The following FRMPD4 variants were observed in gnomAD, a reference collection of about 807,000 sequenced individuals.
FRMPD4 encodes the protein FERM and PDZ domain containing 4, also known as FERM and PDZ domain-containing protein 4.
FRMPD4 carries 22 observed loss-of-function variants against 94.1 expected under a neutral mutation model. The observed-to-expected ratio is 0.23, with a 90% CI of 0.17 to 0.33. The LOEUF is 0.33. FRMPD4 is among the 10% of genes least tolerant of loss of function. The probability of loss-of-function intolerance (pLI) is 1.00; values close to 1 mark genes in which losing one functional copy is unlikely to be tolerated. For synonymous variants in FRMPD4, 631 were observed against 548.6 expected (o/e 1.15, Z -2.10); for missense variants, 1,111 against 1,339.9 (o/e 0.83, Z 2.67).
intron 1 of FRMPD4, among the ~76,000 whole-genome samples, chrX:11,859,877 C>T (rs888545678): frequency 3.3e-4 from 37 of 112,142 alleles, no homozygotes; most frequent in Admixed American, 1.9e-3. Flanking sequence ...AAATAAAATG[C>T]TCATTGCTAT....
intron 2 of FRMPD4, among the ~76,000 whole-genome samples, chrX:12,511,691 T>C (rs1014942948): frequency 1.3e-4 from 14 of 109,660 alleles, no homozygotes; most frequent in African/African-American, 4.3e-4. Flanking sequence ...ATGATGGGAG[T>C]CCCAGAAGGA....
At chrX:11,963,395 T>C (rs1251053112) in intron 3 of FRMPD4, among the ~76,000 whole-genome samples, 1 of 112,513 alleles carries the variant, frequency 8.9e-6, no homozygotes, top group Non-Finnish European at 1.9e-5. Context: ...TATAAATTAG[T>C]AGATTTCAGT....
At chrX:12,323,646 A>G (rs933457812) in intron 1 of FRMPD4, among the ~76,000 whole-genome samples, 83 of 111,436 alleles carry the variant, frequency 7.4e-4, no homozygotes, top group African/African-American at 2.4e-3. Flanking sequence ...AGTTACCTCT[A>G]TAGAGGAGCC....
rs766156884 is a variant in FRMPD4 at position 12,484,189 on chromosome X, A to C, written c.42-14491A>C. On this transcript the variant is annotated intron_variant, in intron 1 of 16. Transcript: ENST00000675598. ...AAAAGATACACATATAAAGGAGGAAATTTTTAAAGAAAGAAAAAAATTAAT... is the reference window on the plus strand; with the variant it reads ...AAAAGATACACATATAAAGGAGGAACTTTTTAAAGAAAGAAAAAAATTAAT... Among the ~76,000 whole-genome samples, 5 of 112,389 alleles carry C rather than the reference A, an allele frequency of 4.4e-5. 1 individual carries two copies. Among genetic ancestry groups the C allele is most frequent in the African/African-American group, 1.6e-4 (5 of 30,978 alleles).
intron 1 of FRMPD4, among the ~76,000 whole-genome samples, chrX:12,316,442 C>A (rs5979586): frequency 9.0e-6 from 1 of 111,570 alleles, no homozygotes; most frequent in African/African-American, 3.3e-5. Context: ...CGTGAGCTGC[C>A]GTGCCCAGCC....
chrX:12,442,664 T>TCTGA (rs916869842), intron 1 of FRMPD4, among the ~76,000 whole-genome samples: 5 of 111,618 alleles, frequency 4.5e-5, no homozygotes, highest in Non-Finnish European at 7.5e-5. Context: ...TGGAGAACAG[T>TCTGA]CTGACTGGCT....
chrX:12,631,616 C>T (rs371130110), intron 4 of FRMPD4, among the ~76,000 whole-genome samples: 1 of 110,221 alleles, frequency 9.1e-6, no homozygotes, highest in Non-Finnish European at 1.9e-5. Context: ...CATTGTTCAA[C>T]TCCCACTTAT....
Position 11,931,893 on chromosome X carries a change from G to A in FRMPD4, c.95+53875G>A, listed in dbSNP as rs181751322. On this transcript the variant is annotated intron_variant, in intron 3 of 18. Transcript: ENST00000640291. ...ATGAATGTATATATGCAAAAGAGTT[G>A]GCCGTGTTTCAGCATTTCTAAGGGA... 5.4e-5 allele frequency among the ~76,000 whole-genome samples: 6 copies of A among 112,070 alleles called. No individual in the cohort carries two copies. In the East Asian group the frequency reaches 1.7e-3, roughly 31 times the overall value.
rs145940302 is a variant in FRMPD4, at chrX:12,309,619, C to T, written c.41+170607C>T. Among the ~76,000 whole-genome samples the T allele has an allele frequency of 6.5e-4, 73 of 112,229 alleles. No individual in the cohort carries two copies. In the East Asian group the frequency reaches 0.016, roughly 24 times the overall value. On this transcript the variant is annotated intron_variant, in intron 1 of 16. Transcript: ENST00000675598. ...TGGCACAGGCCATCTTCTTGACTAACCATTGTATACCTAACTCCTAGTCAT... is the reference window on the plus strand; with the variant it reads ...TGGCACAGGCCATCTTCTTGACTAATCATTGTATACCTAACTCCTAGTCAT...
intron 1 of FRMPD4, among the ~76,000 whole-genome samples, chrX:12,141,650 G>A (rs2055692953): frequency 9.1e-6 from 1 of 109,694 alleles, no homozygotes; most frequent in Non-Finnish European, 1.9e-5. Context: ...TCATCAGTTA[G>A]AGTTATGACC....
At chrX:12,474,413 G>A (rs138869770) in intron 1 of FRMPD4, among the ~76,000 whole-genome samples, 2,954 of 111,058 alleles carry the variant, frequency 0.027, 46 homozygotes, top group Non-Finnish European at 0.043. Context: ...AGAGAAGCAA[G>A]AGCAAACACA....
At chrX:12,623,988 G>A (rs112802146) in intron 4 of FRMPD4, among the ~76,000 whole-genome samples, 28 of 111,955 alleles carry the variant, frequency 2.5e-4, no homozygotes, top group African/African-American at 8.8e-4. Flanking sequence ...AGACCAGCCT[G>A]GGCAACACAG....
chrX:12,616,257 G>T (rs989113059), intron 4 of FRMPD4, among the ~76,000 whole-genome samples: 1 of 111,688 alleles, frequency 9.0e-6, no homozygotes, highest in Non-Finnish European at 1.9e-5. Flanking sequence ...GAAGAGAATT[G>T]CCTTGCTCCT....
chrX:12,472,605 G>C (rs1230071167), intron 1 of FRMPD4, among the ~76,000 whole-genome samples: 2 of 111,678 alleles, frequency 1.8e-5, no homozygotes, highest in African/African-American at 3.3e-5. Flanking sequence ...AACCAATGTA[G>C]AGAAGTCCTT....
intron 1 of FRMPD4, among the ~76,000 whole-genome samples, chrX:12,459,832 C>T (rs1245133901): frequency 1.8e-5 from 2 of 111,627 alleles, no homozygotes; most frequent in Non-Finnish European, 3.8e-5. Flanking sequence ...ACTGCTGGAT[C>T]GTATGATAAA....
At chrX:12,584,241 CAT>C (rs756970847) in intron 2 of FRMPD4, among the ~76,000 whole-genome samples, 13 of 112,190 alleles carry the variant, frequency 1.2e-4, no homozygotes, top group Non-Finnish European at 2.1e-4. Flanking sequence ...GTTTTTTAAA[CAT>C]AGTGTTTGGA....
chrX:12,634,273 T>C, intron 4 of FRMPD4, among the ~76,000 whole-genome samples: 1 of 112,564 alleles, frequency 8.9e-6, no homozygotes, highest in East Asian at 2.8e-4. Context: ...AACAAAATAG[T>C]CTATATGTCT....
Position 11,954,865 on chromosome X carries a change from G to A in FRMPD4, c.95+76847G>A, listed in dbSNP as rs755571627. 4.2e-4 allele frequency among the ~76,000 whole-genome samples: 46 copies of A among 110,155 alleles called. No individual in the cohort carries two copies. In the South Asian group the frequency reaches 7.6e-3, roughly 18 times the overall value. On this transcript the variant is annotated intron_variant, in intron 3 of 18. Coordinates refer to the FRMPD4 transcript ENST00000640291. ...CCTTGGGGGCTTTTTAGCAGAATAG[G>A]AAAGTCTTATTATCAGGGATGAGTC... is the stretch of plus-strand genomic sequence containing the variant.
intron 3 of FRMPD4, among the ~76,000 whole-genome samples, chrX:11,924,433 A>G (rs1312649510): frequency 1.8e-5 from 2 of 111,801 alleles, no homozygotes; most frequent in Non-Finnish European, 3.8e-5. Context: ...CTACAAGAAG[A>G]TCATCCCAAG....
Sources: allele counts gnomAD v4.1 joint callset (sites outside exome capture counted in the v4.1 genomes callset), GRCh38; gene constraint gnomAD v4.1.1; transcripts MANE v1.5; gene names NCBI Gene and HGNC (gene_info 2026-07-23, HGNC 2026-07-21).